The following PTPRD variants were observed in gnomAD, a reference collection of about 807,000 sequenced individuals.
The protein encoded by PTPRD is receptor-type tyrosine-protein phosphatase delta.
PTPRD carries 34 observed loss-of-function variants against 214.5 expected under a neutral mutation model. That is an observed-to-expected ratio of 0.16 (90% CI 0.12 to 0.21). The LOEUF is 0.21. Ranked by LOEUF, PTPRD falls within the 10% of genes least tolerant of loss-of-function variation. The probability of loss-of-function intolerance (pLI) is 1.00; values close to 1 mark genes in which losing one functional copy is unlikely to be tolerated. For missense variants in PTPRD, 2,545 were observed against 2,398.7 expected, an observed-to-expected ratio of 1.06 and a Z score of -1.27; for synonymous variants, 1,128 against 845.7, an observed-to-expected ratio of 1.33 and a Z score of -5.79.
At chr9:9,587,053 ATG>A (rs2092098491) in intron 7 of PTPRD, among the ~76,000 whole-genome samples, 1 of 151,940 alleles carries the variant, frequency 6.6e-6, no homozygotes, top group African/African-American at 2.4e-5. Flanking sequence ...GAGGAAATGT[ATG>A]TGTATATAGG....
intron 9 of PTPRD, among the ~76,000 whole-genome samples, chr9:9,302,607 T>TTTC (rs1555200168): frequency 1.6e-4 from 19 of 119,502 alleles, no homozygotes; most frequent in African/African-American, 5.6e-4. Flanking sequence ...TTTTCTTTTT[T>TTTC]TTTTTTTTTT....
chr9:8,716,837 T>G (rs2098441970), intron 12 of PTPRD, among the ~76,000 whole-genome samples: 1 of 152,092 alleles, frequency 6.6e-6, no homozygotes, highest in South Asian at 2.1e-4. Flanking sequence ...GGCCCAGTAT[T>G]GGAATGTAGG....
chr9:9,274,530 C>G (rs991475431), intron 9 of PTPRD, among the ~76,000 whole-genome samples: 2 of 151,204 alleles, frequency 1.3e-5, no homozygotes, highest in Non-Finnish European at 3.0e-5. Context: ...CCTTATGGAG[C>G]TTATCTATCC....
chr9:9,449,374 C>G (rs1010120180), intron 8 of PTPRD, among the ~76,000 whole-genome samples: 4 of 151,164 alleles, frequency 2.6e-5, no homozygotes, highest in African/African-American at 4.9e-5. Flanking sequence ...GTACATTCCT[C>G]CAAACCCAAT....
chr9:9,458,184 A>T (rs1337043191), intron 8 of PTPRD, among the ~76,000 whole-genome samples: 1 of 152,072 alleles, frequency 6.6e-6, no homozygotes, highest in Non-Finnish European at 1.5e-5. Context: ...GATATAATCT[A>T]GGTACGATTA....
intron 12 of PTPRD, among the ~76,000 whole-genome samples, chr9:8,658,393 T>A (rs767906007): frequency 2.0e-5 from 3 of 152,200 alleles, no homozygotes; most frequent in Admixed American, 6.5e-5. Flanking sequence ...CATTGTGTCC[T>A]ATTAAATTGT....
intron 8 of PTPRD, among the ~76,000 whole-genome samples, chr9:9,450,329 T>C (rs1360846997): frequency 2.0e-5 from 3 of 151,986 alleles, no homozygotes; most frequent in South Asian, 2.1e-4. Context: ...TTTATTTCTT[T>C]AGGGAATTTC....
At chr9:9,591,066 G>T (rs143404653) in intron 7 of PTPRD, among the ~76,000 whole-genome samples, 31 of 152,114 alleles carry the variant, frequency 2.0e-4, no homozygotes, top group African/African-American at 7.5e-4. Context: ...CATTGCAAAA[G>T]GGACTTTGCA....
At position 8,733,798 on chromosome 9, in the gene PTPRD, G is replaced by A. The variant is rs2098687657; in HGVS notation, c.46C>T (p.Leu16Phe). ...GGCTTACTCTCAGCATCCGTGCGGAGGAAGAAAGTGAGGAGCAGCAGCAGC... is the reference window on the plus strand; with the variant it reads ...GGCTTACTCTCAGCATCCGTGCGGAAGAAGAAAGTGAGGAGCAGCAGCAGC... ...RLLLLLLTFF[L>F]RTDAETPPRF... Residue 16 changes from leucine (L) to phenylalanine (F), a missense_variant, in exon 12 of 46, where the codon CTC (leucine) becomes TTC (phenylalanine). By Grantham distance (22) the Leu-to-Phe change is conservative. Transcript: ENST00000381196. The A allele has an allele frequency of 1.3e-6, 2 of 1,552,926 alleles. No homozygotes were observed. The highest frequency in any genetic ancestry group is 1.4e-5 in the African/African-American group (1 of 73,142).
chr9:8,462,929 C>G (rs1337135127), intron 32 of PTPRD, among the ~76,000 whole-genome samples: 1 of 151,814 alleles, frequency 6.6e-6, no homozygotes, highest in African/African-American at 2.4e-5. Context: ...ATGCTTAAAG[C>G]AGCTAGCAAT....
At chr9:9,770,329 C>T (rs958199928) in intron 5 of PTPRD, among the ~76,000 whole-genome samples, 7 of 152,094 alleles carry the variant, frequency 4.6e-5, no homozygotes, top group Admixed American at 4.6e-4. Context: ...TTTTATATTA[C>T]ATCACAATTT....
chr9:9,220,319 T>TTTTTTTTA (rs1555012243), intron 9 of PTPRD, among the ~76,000 whole-genome samples: 162 of 148,608 alleles, frequency 1.1e-3, no homozygotes, highest in East Asian at 8.1e-3. Context: ...GCTTTTTTTT[T>TTTTTTTTA]AAAAGCACTA....
intron 4 of PTPRD, among the ~76,000 whole-genome samples, chr9:10,005,214 G>T (rs2096448067): frequency 6.6e-6 from 1 of 152,018 alleles, no homozygotes; most frequent in Non-Finnish European, 1.5e-5. Flanking sequence ...GCTAACCTTG[G>T]TGTTTCTAAA....
chr9:9,388,822 A>G (rs1316554759), intron 9 of PTPRD, among the ~76,000 whole-genome samples: 1 of 152,196 alleles, frequency 6.6e-6, no homozygotes, highest in Non-Finnish European at 1.5e-5. Context: ...ACTCAGAAAG[A>G]ATAAATAATA....
At chr9:8,462,078 C>T (rs1255868123) in intron 32 of PTPRD, among the ~76,000 whole-genome samples, 2 of 151,996 alleles carry the variant, frequency 1.3e-5, no homozygotes, top group Non-Finnish European at 2.9e-5. Flanking sequence ...TTCCTAAACT[C>T]AGATACTCTA....
chr9:9,251,690 C>A (rs1203957575), intron 9 of PTPRD, among the ~76,000 whole-genome samples: 1 of 151,974 alleles, frequency 6.6e-6, no homozygotes, highest in Non-Finnish European at 1.5e-5. Context: ...AGTGTCTTCT[C>A]TTCATTTGTG....
chr9:9,822,425 T>A (rs1377432739), intron 5 of PTPRD, among the ~76,000 whole-genome samples: 1 of 147,630 alleles, frequency 6.8e-6, no homozygotes, highest in African/African-American at 2.5e-5. Context: ...ATATATAATA[T>A]ATACATAATA....
intron 3 of PTPRD, among the ~76,000 whole-genome samples, chr9:10,230,027 G>C (rs2099603317): frequency 6.6e-6 from 1 of 151,956 alleles, no homozygotes; most frequent in East Asian, 1.9e-4. Context: ...CAATTCTCAA[G>C]TTAGGCTCTT....
At chr9:10,612,200 G>A (rs2081190020) in intron 2 of PTPRD, among the ~76,000 whole-genome samples, 198 bp downstream of exon 2, 1 of 110,636 alleles carries the variant, frequency 9.0e-6, no homozygotes, top group African/African-American at 3.2e-5. Context: ...GTCTTCTAAG[G>A]GCTCTTCCAA....
Sources: allele counts gnomAD v4.1 joint callset (sites outside exome capture counted in the v4.1 genomes callset), GRCh38; gene constraint gnomAD v4.1.1; transcripts MANE v1.5; gene names NCBI Gene and HGNC (gene_info 2026-07-23, HGNC 2026-07-21).